The following MTREX variants were observed in gnomAD, a reference collection of about 807,000 sequenced individuals.
MTREX encodes Mtr4 exosome RNA helicase, also known as exosome RNA helicase MTR4.
In MTREX, 76 loss-of-function variants were observed where a neutral mutation model predicts 135.4. The ratio of observed to expected loss-of-function variants is 0.56; its 90% CI spans 0.47 to 0.68. The LOEUF is 0.68. Among genes scored for constraint, MTREX ranks in the 30% least tolerant of loss-of-function variants. The probability of loss-of-function intolerance (pLI) is 0.00; values close to 1 mark genes in which losing one functional copy is unlikely to be tolerated. For synonymous variants in MTREX, 404 were observed against 401.6 expected (o/e 1.01, Z -0.07); for missense variants, 920 against 1,262.1 (o/e 0.73, Z 4.11).
chr5:55,339,693 C>G (rs1401228106), intron 5 of MTREX, among the ~76,000 whole-genome samples: 1 of 152,196 alleles, frequency 6.6e-6, no homozygotes, highest in Non-Finnish European at 1.5e-5. Context: ...AACTCACAGA[C>G]AGAGGCTCTG....
At chr5:55,341,578 A>G (rs1579858409) in intron 6 of MTREX, 103 bp from the exon 7 acceptor site, 1 of 554,730 alleles carries the variant, frequency 1.8e-6, no homozygotes, top group East Asian at 3.0e-5. Flanking sequence ...TTTCCATTTA[A>G]TAAAGAATAT....
chr5:55,348,798 A>G (rs1373759429), intron 11 of MTREX, among the ~76,000 whole-genome samples: 2 of 152,268 alleles, frequency 1.3e-5, no homozygotes, highest in Non-Finnish European at 2.9e-5. Context: ...ATATTTATTC[A>G]GTTTAACAAA....
intron 11 of MTREX, 27 bp downstream of exon 11, chr5:55,347,171 A>C: frequency 1.9e-6 from 3 of 1,568,654 alleles, no homozygotes; most frequent in Non-Finnish European, 2.6e-6. Flanking sequence ...GTATCATTTT[A>C]ATGTTATGTG....
chr5:55,393,230 A>G (rs1750598377), intron 19 of MTREX, among the ~76,000 whole-genome samples: 1 of 152,182 alleles, frequency 6.6e-6, no homozygotes. Context: ...TGCTCCCTGG[A>G]TTCCTGCAAG....
Position 55,378,408 on chromosome 5 carries a change from A to G in MTREX, c.1905A>G (p.Lys635=), listed in dbSNP as rs1561202614. Residue 635 remains lysine (K), a synonymous_variant, in exon 17 of 27, where the codon AAA becomes AAG. Transcript: ENST00000230640. ...IYYKIRQQLA[K]LGKEIEEYIH... ...ATAAGATTAGACAGCAGCTTGCCAA[A>G]TTGGGTAAAGAAATTGAAGAATATA... 1 of 1,612,442 alleles carries G rather than the reference A, an allele frequency of 6.2e-7. No individual in the cohort carries two copies. The highest frequency in any genetic ancestry group is 2.2e-5 in the East Asian group (1 of 44,724).
chr5:55,361,110 G>T (rs1408966309), intron 15 of MTREX, among the ~76,000 whole-genome samples: 2 of 152,144 alleles, frequency 1.3e-5, no homozygotes, highest in Non-Finnish European at 2.9e-5. Context: ...ACAACAGTTT[G>T]TTCTTTGATG....
intron 1 of MTREX, among the ~76,000 whole-genome samples, chr5:55,312,440 T>C (rs770496319): frequency 6.6e-6 from 1 of 152,072 alleles, no homozygotes; most frequent in Non-Finnish European, 1.5e-5. Flanking sequence ...TATTGGGGTA[T>C]AACTGAAGTG....
At chr5:55,356,383 C>T (rs1303725199) in intron 14 of MTREX, 2 of 178,442 alleles carry the variant, frequency 1.1e-5, no homozygotes, top group Non-Finnish European at 2.4e-5. Flanking sequence ...AGCTTGGAGC[C>T]TGTCAAGTGG....
intron 1 of MTREX, among the ~76,000 whole-genome samples, chr5:55,317,761 G>A (rs983038120): frequency 1.3e-5 from 2 of 152,130 alleles, no homozygotes; most frequent in Non-Finnish European, 2.9e-5. Flanking sequence ...TGCAACAAAA[G>A]CAAAAATTGA....
chr5:55,406,731 A>G (rs230782), intron 22 of MTREX, among the ~76,000 whole-genome samples: 130,455 of 152,128 alleles, frequency 0.86, 56,282 homozygotes, highest in South Asian at 0.92. Context: ...GTGCTTAGAC[A>G]AAGGAACTGA....
Position 55,347,160 on chromosome 5 carries a change from A to G in MTREX, c.1240+16A>G, listed in dbSNP as rs766506048. On this transcript the variant is annotated intron_variant, in intron 11 of 26. Coordinates refer to ENST00000230640, the MANE Select transcript of MTREX (RefSeq NM_015360.5). ...TTCAACACAGGTACTACATCATTTC[A>G]GTATCATTTTAATGTTATGTGAAAA... 6.3e-7 allele frequency: 1 copy of G among 1,582,788 alleles called. No individual in the cohort carries two copies. The highest frequency in any genetic ancestry group is 2.3e-5 in the East Asian group (1 of 43,998).
At chr5:55,331,751 T>A (rs556827057) in intron 5 of MTREX, among the ~76,000 whole-genome samples, 2 of 152,318 alleles carry the variant, frequency 1.3e-5, no homozygotes, top group East Asian at 3.9e-4. Flanking sequence ...TAGGGAAACT[T>A]CCAGGGTTTA....
intron 25 of MTREX, among the ~76,000 whole-genome samples, chr5:55,420,905 T>A (rs571316539): frequency 5.3e-5 from 8 of 152,202 alleles, no homozygotes; most frequent in African/African-American, 9.6e-5. Flanking sequence ...AACCTGAATA[T>A]AAAAAAGGGC....
intron 1 of MTREX, among the ~76,000 whole-genome samples, chr5:55,321,144 T>G (rs937641512): frequency 2.0e-5 from 3 of 152,150 alleles, no homozygotes; most frequent in Non-Finnish European, 4.4e-5. Flanking sequence ...TTAAAAAAAT[T>G]TTAATCTTAA....
At chr5:55,310,164 G>A (rs1402941813) in intron 1 of MTREX, among the ~76,000 whole-genome samples, 1 of 152,094 alleles carries the variant, frequency 6.6e-6, no homozygotes, top group African/African-American at 2.4e-5. Flanking sequence ...GCCTTCCAAA[G>A]TGAAAAGAGG....
chr5:55,412,222 A>G (rs1195576775), intron 23 of MTREX, among the ~76,000 whole-genome samples: 1 of 152,192 alleles, frequency 6.6e-6, no homozygotes, highest in Admixed American at 6.5e-5. Context: ...TTTTCTGCCA[A>G]AAAGAACATT....
intron 18 of MTREX, among the ~76,000 whole-genome samples, chr5:55,384,767 A>G (rs1436083301): frequency 6.6e-6 from 1 of 152,114 alleles, no homozygotes; most frequent in East Asian, 1.9e-4. Flanking sequence ...TTTCTGGGGT[A>G]GAGTTGGGGG....
At chr5:55,315,048 A>G (rs755431020) in intron 1 of MTREX, among the ~76,000 whole-genome samples, 2 of 152,198 alleles carry the variant, frequency 1.3e-5, no homozygotes, top group Non-Finnish European at 2.9e-5. Flanking sequence ...ATTTTAAGCC[A>G]CTGGGTTTGT....
At chr5:55,371,606 A>T (rs1441193450) in intron 16 of MTREX, among the ~76,000 whole-genome samples, 1 of 152,108 alleles carries the variant, frequency 6.6e-6, no homozygotes, top group African/African-American at 2.4e-5. Flanking sequence ...CAACTGTCTG[A>T]TTGGGGTGGA....
Sources: allele counts gnomAD v4.1 joint callset (sites outside exome capture counted in the v4.1 genomes callset), GRCh38; gene constraint gnomAD v4.1.1; transcripts MANE v1.5; gene names NCBI Gene and HGNC (gene_info 2026-07-23, HGNC 2026-07-21).